The following SLC6A16 variants were observed in gnomAD, a reference collection of about 807,000 sequenced individuals.
SLC6A16 encodes orphan sodium- and chloride-dependent neurotransmitter transporter NTT5.
In SLC6A16, 54 loss-of-function variants were observed where a neutral mutation model predicts 65.4. The ratio of observed to expected loss-of-function variants is 0.83; its 90% CI spans 0.66 to 1.04. The LOEUF is 1.04. Among genes scored for constraint, SLC6A16 ranks in the 50% least tolerant of loss-of-function variants. The pLI is 0.00. For missense variants in SLC6A16, 816 were observed against 914.0 expected (o/e 0.89, Z 1.38); for synonymous variants, 330 against 346.5 (o/e 0.95, Z 0.53).
rs1245352709 is a variant in SLC6A16 at position 49,310,370 on chromosome 19, C to T, written c.556G>A (p.Gly186Arg). Residue 186 changes from glycine to arginine, a missense_variant, in exon 3 of 12, where the codon GGG (glycine) becomes AGG (arginine). Transcript: ENST00000335875. The stretch of plus-strand genomic sequence containing the variant: ...CTCCTCACCATGAAGCTAGAATACC[C>T]CACACCACCAATCCAGGGGGCAATG... ...KIIAPWIGGV[G>R]YSSFMVCFIL... is the part of the protein sequence containing the mutation. 6.2e-7 allele frequency: 1 copy of T among 1,614,020 alleles called. No individual in the cohort carries two copies. The highest frequency in any genetic ancestry group is 1.7e-5 in the Admixed American group (1 of 60,002).
chr19:49,305,786 ATT>A (rs1970374570), intron 7 of SLC6A16: 3 of 152,120 alleles, frequency 2.0e-5, no homozygotes, highest in African/African-American at 7.2e-5. Flanking sequence ...TTCCAGAGTG[ATT>A]TGTTACCCAA....
chr19:49,329,474 G>C (rs1404456263), upstream of SLC6A16, among the ~76,000 whole-genome samples: 1 of 152,094 alleles, frequency 6.6e-6, no homozygotes, highest in African/African-American at 2.4e-5. Context: ...TGGGGTCTGA[G>C]AGAAAGAGAG....
At chr19:49,331,832 C>T in the SLC6A16 span, 5 of 457,046 alleles carry the variant, frequency 1.1e-5, no homozygotes, top group Non-Finnish European at 2.2e-5. Context: ...CTCCTGTGTG[C>T]CTAGGAAAGA....
intron 7 of SLC6A16, among the ~76,000 whole-genome samples, chr19:49,299,828 G>T (rs147136777): frequency 0.051 from 7,678 of 151,782 alleles, 608 homozygotes; most frequent in African/African-American, 0.17. Context: ...TTCAAGACCA[G>T]CCTGGCCAAC....
At position 49,293,939 on chromosome 19, in the gene SLC6A16, G is replaced by A; in HGVS notation, c.1506C>T (p.Phe502=). 1 of 1,613,976 alleles carries A rather than the reference G, an allele frequency of 6.2e-7. No homozygotes were observed. The highest frequency in any genetic ancestry group is 1.1e-5 in the South Asian group (1 of 91,084). ...PPSVFWSFIF[F]LMLLAMGLSS... ...TCAGCCCCATGGCCAGCAACATCAG[G>A]AAGAAGATAAAAGACCAGAAGACAG... Residue 502 remains phenylalanine (F), a synonymous_variant, in exon 9 of 12, where the codon TTC becomes TTT. Coordinates refer to ENST00000335875, the MANE Select transcript of SLC6A16 (RefSeq NM_014037.3).
chr19:49,337,582 C>A, the SLC6A16 span: 1 of 1,344,176 alleles, frequency 7.4e-7, no homozygotes, highest in Non-Finnish European at 9.9e-7. Flanking sequence ...TGCACTCAGC[C>A]TGGGTGACAG....
At chr19:49,321,607 G>T (rs1179113307) in intron 1 of SLC6A16, among the ~76,000 whole-genome samples, 1 of 152,182 alleles carries the variant, frequency 6.6e-6, no homozygotes, top group Non-Finnish European at 1.5e-5. Flanking sequence ...GTGGTGGTGT[G>T]CACCTGTAGT....
chr19:49,335,589 G>A, the SLC6A16 span: 13 of 1,613,844 alleles, frequency 8.1e-6, no homozygotes, highest in Admixed American at 5.0e-5. The surrounding 1 kb of genome is among the most constrained non-coding windows in gnomAD (Gnocchi z 4.6). Flanking sequence ...CTTCCTCTTC[G>A]TTTTCAACCT....
the SLC6A16 span, chr19:49,335,492 C>A: frequency 7.6e-7 from 1 of 1,317,260 alleles, no homozygotes; most frequent in Non-Finnish European, 1.1e-6. The surrounding 1 kb of genome is among the most constrained non-coding windows in gnomAD (Gnocchi z 4.6). Flanking sequence ...CCCCCACTGT[C>A]AGCACCTCTT....
At chr19:49,338,000 G>A in the SLC6A16 span, 77 of 1,613,902 alleles carry the variant, frequency 4.8e-5, 1 homozygote, top group East Asian at 1.4e-3. Context: ...GACCGCGGCC[G>A]AGGAGAGCTG....
chr19:49,339,845 A>C, the SLC6A16 span: 1 of 1,327,664 alleles, frequency 7.5e-7, no homozygotes, highest in Non-Finnish European at 9.7e-7. The surrounding 1 kb of genome is among the most constrained non-coding windows in gnomAD (Gnocchi z 4.5). Context: ...TGGGGAGACA[A>C]GGCACCGCAG....
intron 1 of SLC6A16, among the ~76,000 whole-genome samples, chr19:49,323,569 T>C (rs1970750553): frequency 6.6e-6 from 1 of 152,188 alleles, no homozygotes; most frequent in Non-Finnish European, 1.5e-5. Context: ...TAGACATTTC[T>C]CCAAGGAAGA....
chr19:49,299,283 C>T (rs1970240820), intron 7 of SLC6A16, among the ~76,000 whole-genome samples: 1 of 149,080 alleles, frequency 6.7e-6, no homozygotes, highest in South Asian at 2.1e-4. Context: ...ATGCCAGAAG[C>T]GGGCTCATGC....
At chr19:49,339,280 G>T in the SLC6A16 span, 2 of 1,533,864 alleles carry the variant, frequency 1.3e-6, no homozygotes, top group Non-Finnish European at 9.0e-7. The surrounding 1 kb of genome is among the most constrained non-coding windows in gnomAD (Gnocchi z 4.5). Flanking sequence ...CTGGGCCTGG[G>T]CTTGAGAGTC....
chr19:49,296,694 T>A (rs963683143), intron 7 of SLC6A16, among the ~76,000 whole-genome samples: 1 of 152,026 alleles, frequency 6.6e-6, no homozygotes, highest in Non-Finnish European at 1.5e-5. Context: ...AGGAGAAAAA[T>A]CTTTGCAATC....
At chr19:49,338,229 G>T in the SLC6A16 span, 1 of 1,422,494 alleles carries the variant, frequency 7.0e-7, no homozygotes, top group Non-Finnish European at 9.2e-7. This position sits in a 1 kb window ranked among gnomAD's most constrained non-coding sequence, Gnocchi z 5.0. Flanking sequence ...CCAGACCCTG[G>T]CGTGGCTTCG....
rs369563759 is a variant in SLC6A16 at position 49,310,090 on chromosome 19, A to G, written c.650T>C (p.Phe217Ser). 31 of 1,614,010 alleles carry G rather than the reference A, an allele frequency of 1.9e-5. No individual in the cohort carries two copies. The African/African-American group carries it at 4.1e-4, about 22-fold the overall frequency. Residue 217 changes from phenylalanine (F) to serine (S), a missense_variant, in exon 4 of 12, where the codon TTT (phenylalanine) becomes TCT (serine). Coordinates refer to ENST00000335875, the MANE Select transcript of SLC6A16 (RefSeq NM_014037.3). ...IIFYMSQSFQ[F>S]PVPWEKCPLT... ...GGGACATTTCTCCCATGGAACGGGA[A>G]ACTGGAAGGACTGGCTCATGTAGAA...
At chr19:49,339,565 G>A in the SLC6A16 span, 7 of 1,467,550 alleles carry the variant, frequency 4.8e-6, no homozygotes, top group Admixed American at 1.2e-4. This position sits in a 1 kb window ranked among gnomAD's most constrained non-coding sequence, Gnocchi z 4.5. Flanking sequence ...GCACCGGAGG[G>A]TGGGGGCGGC....
chr19:49,298,337 A>G (rs1970222774), intron 7 of SLC6A16, among the ~76,000 whole-genome samples: 1 of 152,216 alleles, frequency 6.6e-6, no homozygotes. Flanking sequence ...TTTGCAAACT[A>G]TGCATCCAAC....
Sources: gnomAD v4.1 joint callset for allele counts (sites outside exome capture counted in the v4.1 genomes callset) on GRCh38, gnomAD v4.1.1 for gene constraint, Gnocchi (gnomAD v3.1) non-coding constraint, MANE v1.5 for transcripts, NCBI Gene and HGNC (gene_info 2026-07-23, HGNC 2026-07-21) for gene names.